KIAA1549: variants seen among roughly 807,000 people sequenced by gnomAD.
KIAA1549 encodes KIAA1549.
KIAA1549 carries 70 observed loss-of-function variants against 156.4 expected under a neutral mutation model. The observed-to-expected ratio is 0.45, with a 90% CI of 0.37 to 0.55. The LOEUF (loss-of-function observed/expected upper bound fraction) is 0.55, where lower values mean the gene tolerates loss of function less well. KIAA1549 is among the 20% of genes least tolerant of loss of function. The pLI, the probability that KIAA1549 is intolerant of heterozygous loss-of-function variation, is 0.00. For synonymous variants in KIAA1549, 1,103 were observed against 1,066.4 expected (o/e 1.03, Z -0.67); for missense variants, 2,428 against 2,540.9 (o/e 0.96, Z 0.96).
intron 1 of KIAA1549, among the ~76,000 whole-genome samples, chr7:138,950,790 C>T (rs1249841523): frequency 6.6e-6 from 1 of 152,132 alleles, no homozygotes; most frequent in East Asian, 1.9e-4. Flanking sequence ...CTGGATCTCC[C>T]CGGGGGCTGA....
chr7:138,841,893 A>T (rs1470079094), intron 18 of KIAA1549, among the ~76,000 whole-genome samples: 4 of 31,912 alleles, frequency 1.3e-4, no homozygotes, highest in Admixed American at 9.5e-4. Flanking sequence ...AACCACATTT[A>T]AAAAAAAAAA....
At chr7:138,844,295 G>GA in intron 18 of KIAA1549, 22 bp downstream of exon 18, 1 of 1,613,668 alleles carries the variant, frequency 6.2e-7, no homozygotes, top group Non-Finnish European at 8.5e-7. Context: ...CTCAGAAATG[G>GA]AAGCTAAACA....
intron 1 of KIAA1549, among the ~76,000 whole-genome samples, chr7:138,945,924 T>C (rs1204672420): frequency 6.6e-6 from 1 of 152,042 alleles, no homozygotes; most frequent in African/African-American, 2.4e-5. Context: ...AGAACCCCTA[T>C]CAACAAAATA....
At chr7:138,980,268 T>G (rs1814506604) in intron 1 of KIAA1549, among the ~76,000 whole-genome samples, 1 of 152,214 alleles carries the variant, frequency 6.6e-6, no homozygotes, top group Admixed American at 6.5e-5. Context: ...TTCCAGACCA[T>G]CCTGTGTACA....
In KIAA1549 at chr7:138,909,138, T is replaced by A. The variant is rs1584747893; in HGVS notation, c.3146-17A>T. ...ACTGAAGTACTGAAAAGAAAAGCAATCAAAGTCCCATAAATGAGGTGTTTG... is the reference window on the plus strand; with the variant it reads ...ACTGAAGTACTGAAAAGAAAAGCAAACAAAGTCCCATAAATGAGGTGTTTG... On this transcript the variant is annotated splice_polypyrimidine_tract_variant and intron_variant, in intron 4 of 19. Coordinates refer to ENST00000422774, the MANE Select transcript of KIAA1549 (RefSeq NM_001164665.2). 6.2e-7 allele frequency: 1 copy of A among 1,606,510 alleles called. No homozygotes were observed. Among genetic ancestry groups the A allele is most frequent in the Middle Eastern group, 1.7e-4 (1 of 6,058 alleles).
intron 10 of KIAA1549, among the ~76,000 whole-genome samples, chr7:138,887,586 T>G (rs947760644): frequency 6.6e-6 from 1 of 151,940 alleles, no homozygotes; most frequent in African/African-American, 2.4e-5. Flanking sequence ...CCTCCCACCT[T>G]CCCTTTCCCA....
chr7:138,946,722 T>C (rs1010348924), intron 1 of KIAA1549, among the ~76,000 whole-genome samples: 1 of 152,242 alleles, frequency 6.6e-6, no homozygotes, highest in East Asian at 1.9e-4. Context: ...GAAGTTGCAG[T>C]GAGCCGAGAT....
At chr7:138,888,453 T>C (rs1306983331) in intron 10 of KIAA1549, among the ~76,000 whole-genome samples, 1 of 152,264 alleles carries the variant, frequency 6.6e-6, no homozygotes, top group Non-Finnish European at 1.5e-5. Context: ...CCATGACCCC[T>C]TTCTCTGCTG....
In KIAA1549 at chr7:138,903,859, G is replaced by A. The variant is rs866630793; in HGVS notation, c.3521-123C>T. The A allele has an allele frequency of 1.8e-3, 1,220 of 666,118 alleles. 22 individuals carry two copies. The African/African-American group carries it at 0.019, about 10-fold the overall frequency. The allele number at this position is 666,118 out of a possible 1,614,324, so 41.3% of individuals were successfully genotyped here. On this transcript the variant is annotated intron_variant, in intron 7 of 19. Coordinates refer to ENST00000422774, the MANE Select transcript of KIAA1549 (RefSeq NM_001164665.2). ...TGTGTGTGTGTGTGTGTGTGCGCGC[G>A]CGCGCGCGCGCACATATGTATTTGA...
At position 138,918,131 on chromosome 7, in the gene KIAA1549, C is replaced by T; in HGVS notation, c.1495G>A (p.Glu499Lys). 3 of 1,613,922 alleles carry T rather than the reference C, an allele frequency of 1.9e-6. No individual in the cohort carries two copies. Among genetic ancestry groups the T allele is most frequent in the Non-Finnish European group, 1.7e-6 (2 of 1,179,860 alleles). ...PIVPLSSRSMEISETSVGISA... is the reference protein window; with the variant it reads ...PIVPLSSRSMKISETSVGISA... ...ATGCCAACACTCGTCTCTGAGATTT[C>T]CATGGATCTAGAAGAAAGTGGGACG... The change falls in exon 2 of 20, where the codon GAA (glutamate) becomes AAA (lysine). Residue 499 changes from glutamate (E) to lysine (K), a missense_variant. By Grantham distance (56) the Glu-to-Lys change is moderately conservative. This residue lies in a region of KIAA1549 where 893 missense variants were observed against 847.9 expected (regional missense o/e 1.05). Coordinates refer to ENST00000422774, the MANE Select transcript of KIAA1549 (RefSeq NM_001164665.2). This position sits in a 1 kb window ranked among gnomAD's most constrained non-coding sequence, Gnocchi z 4.2.
At chr7:138,866,049 A>G (rs1810729934) in intron 15 of KIAA1549, among the ~76,000 whole-genome samples, 1 of 151,926 alleles carries the variant, frequency 6.6e-6, no homozygotes, top group African/African-American at 2.4e-5. Context: ...ATGCCCAAAT[A>G]CCCCCAGAAC....
intron 1 of KIAA1549, among the ~76,000 whole-genome samples, chr7:138,955,336 A>T (rs533397466): frequency 2.6e-5 from 4 of 152,362 alleles, no homozygotes; most frequent in Admixed American, 6.5e-5. Context: ...GACACACACT[A>T]CAACACAGGT....
intron 1 of KIAA1549, among the ~76,000 whole-genome samples, chr7:138,970,616 C>A (rs1367778021): frequency 6.6e-6 from 1 of 152,206 alleles, no homozygotes; most frequent in Non-Finnish European, 1.5e-5. Flanking sequence ...AAAGTCGATG[C>A]AGTAGGCCCG....
chr7:138,879,962 A>G (rs919134490), intron 11 of KIAA1549, among the ~76,000 whole-genome samples: 3 of 152,312 alleles, frequency 2.0e-5, no homozygotes, highest in Middle Eastern at 3.4e-3. Flanking sequence ...CCTGGCCCCT[A>G]GTCTTTTCTG....
Position 138,893,542 on chromosome 7 carries a change from C to T in KIAA1549, c.4032+800G>A, listed in dbSNP as rs150875868. The stretch of plus-strand genomic sequence containing the variant: ...CAGTAGACCAACACTCAAAACAAAA[C>T]AAGACTTGGGATATGTTGAAGGATT... On this transcript the variant is annotated intron_variant, in intron 10 of 19. Coordinates refer to ENST00000422774, the MANE Select transcript of KIAA1549 (RefSeq NM_001164665.2). Among the ~76,000 whole-genome samples the T allele has an allele frequency of 5.6e-3, 848 of 152,278 alleles. 19 individuals are homozygous for T. The highest frequency in any genetic ancestry group is 0.02 in the African/African-American group (811 of 41,538).
intron 16 of KIAA1549, among the ~76,000 whole-genome samples, chr7:138,856,225 A>G (rs1810388615): frequency 6.6e-6 from 1 of 150,812 alleles, no homozygotes; most frequent in Non-Finnish European, 1.5e-5. Flanking sequence ...TCTTTAGTAG[A>G]GACGGGGTTT....
chr7:138,849,532 T>C (rs1810175534), intron 17 of KIAA1549, among the ~76,000 whole-genome samples: 1 of 152,178 alleles, frequency 6.6e-6, no homozygotes, highest in Admixed American at 6.5e-5. Flanking sequence ...ACTAATTAAT[T>C]TGCAAACACA....
chr7:138,885,927 T>G (rs1247605498), intron 10 of KIAA1549, among the ~76,000 whole-genome samples: 2 of 152,146 alleles, frequency 1.3e-5, no homozygotes, highest in East Asian at 1.9e-4. Flanking sequence ...GCCCTCCACC[T>G]GTAGGATCTG....
chr7:138,944,851 G>C (rs2130530035), intron 1 of KIAA1549, among the ~76,000 whole-genome samples: 1 of 152,288 alleles, frequency 6.6e-6, no homozygotes, highest in East Asian at 1.9e-4. Context: ...CAAACCCACA[G>C]AGGCAGAATG....
Sources: allele counts gnomAD v4.1 joint callset (sites outside exome capture counted in the v4.1 genomes callset), GRCh38; gene constraint gnomAD v4.1.1; regional missense constraint gnomAD v4.1.1; non-coding constraint Gnocchi (gnomAD v3.1); transcripts MANE v1.5; gene names NCBI Gene and HGNC (gene_info 2026-07-23, HGNC 2026-07-21).